Variants in CPNE5 observed in about 807,000 individuals in gnomAD.
The protein encoded by CPNE5 is copine-5.
Under a neutral mutation model 81.1 loss-of-function variants are expected in CPNE5, and 42 were observed. The ratio of observed to expected loss-of-function variants is 0.52; its 90% CI spans 0.40 to 0.67. The LOEUF (loss-of-function observed/expected upper bound fraction) is 0.67. Ranked by LOEUF, CPNE5 falls within the 30% of genes least tolerant of loss-of-function variation. The pLI is 0.00. For missense variants in CPNE5, 612 were observed against 815.5 expected, an observed-to-expected ratio of 0.75 and a Z score of 3.04; for synonymous variants, 313 against 321.5, an observed-to-expected ratio of 0.97 and a Z score of 0.28.
intron 1 of CPNE5, among the ~76,000 whole-genome samples, chr6:36,823,443 C>T (rs1252297199): frequency 6.6e-6 from 1 of 151,634 alleles, no homozygotes; most frequent in Non-Finnish European, 1.5e-5. Context: ...TAGAAGCTCT[C>T]CTTTAATCAC....
intron 8 of CPNE5, among the ~76,000 whole-genome samples, chr6:36,782,200 T>C (rs1414090429): frequency 6.6e-6 from 1 of 152,110 alleles, no homozygotes; most frequent in Non-Finnish European, 1.5e-5. Flanking sequence ...ATCATCATGA[T>C]CTCGCACGAA....
chr6:36,765,386 A>G lies in CPNE5; in HGVS notation c.738-10T>C. The G allele has an allele frequency of 6.2e-7, 1 of 1,614,010 alleles. No individual in the cohort carries two copies. The highest frequency in any genetic ancestry group is 1.7e-5 in the Admixed American group (1 of 60,014). ...CTCCACCTTGATGGTCCTGCAAAAC[A>G]AAGGCCTTTGCTGGGATGGGCCCAA... On this transcript the variant is annotated splice_polypyrimidine_tract_variant and intron_variant, in intron 10 of 20. Transcript: ENST00000244751.
intron 8 of CPNE5, among the ~76,000 whole-genome samples, chr6:36,789,056 A>T (rs1768860203): frequency 1.3e-5 from 2 of 152,238 alleles, no homozygotes; most frequent in Non-Finnish European, 2.9e-5. Context: ...GGAAAGACGA[A>T]GCAAAGCTGT....
chr6:36,829,104 C>T (rs1335707643), intron 1 of CPNE5, among the ~76,000 whole-genome samples: 1 of 152,196 alleles, frequency 6.6e-6, no homozygotes, highest in Non-Finnish European at 1.5e-5. Context: ...TTGGCTTTAG[C>T]AGGACCCAAG....
At chr6:36,810,192 C>G (rs1770974498) in intron 3 of CPNE5, among the ~76,000 whole-genome samples, 1 of 152,020 alleles carries the variant, frequency 6.6e-6, no homozygotes, top group African/African-American at 2.4e-5. Context: ...ATTTAGGCAG[C>G]TCTTGCCTTT....
intron 10 of CPNE5, among the ~76,000 whole-genome samples, chr6:36,767,940 A>G (rs554504472): frequency 1.3e-5 from 2 of 152,330 alleles, no homozygotes; most frequent in Non-Finnish European, 2.9e-5. Context: ...CGAGAGATTC[A>G]TGATCAGTTG....
intron 1 of CPNE5, chr6:36,827,652 T>C (rs1772619760): frequency 1.0e-6 from 1 of 985,294 alleles, no homozygotes; most frequent in Admixed American, 6.1e-5. Flanking sequence ...CCTTCCCCAC[T>C]GATCCTCACC....
At chr6:36,823,816 A>C (rs1294713417) in intron 1 of CPNE5, among the ~76,000 whole-genome samples, 2 of 152,216 alleles carry the variant, frequency 1.3e-5, no homozygotes, top group Admixed American at 6.5e-5. Context: ...CTGTTTTACA[A>C]ATATGAGCTC....
At chr6:36,810,777 G>A (rs989393550) in intron 3 of CPNE5, among the ~76,000 whole-genome samples, 3 of 152,182 alleles carry the variant, frequency 2.0e-5, no homozygotes, top group Non-Finnish European at 4.4e-5. Flanking sequence ...TACAGGGAGT[G>A]AGCCATGACC....
rs1481553410 is a variant in CPNE5 at position 36,825,352 on chromosome 6, C to A, written c.96-2254G>T. 2.0e-5 allele frequency among the ~76,000 whole-genome samples: 3 copies of A among 152,266 alleles called. No homozygotes were observed. In the East Asian group the frequency reaches 5.8e-4, roughly 29 times the overall value. ...GTCCCTGAGCAGATTCCTAGAGATGCCCCCAAGAGAGGAATTCCCAAATGG... is the reference window on the plus strand; with the variant it reads ...GTCCCTGAGCAGATTCCTAGAGATGACCCCAAGAGAGGAATTCCCAAATGG... On this transcript the variant is annotated intron_variant, in intron 1 of 20. Transcript: ENST00000244751.
chr6:36,787,396 G>A (rs937281169), intron 8 of CPNE5, among the ~76,000 whole-genome samples: 1 of 151,978 alleles, frequency 6.6e-6, no homozygotes, highest in South Asian at 2.1e-4. Context: ...CTGCCCCAGG[G>A]CCTTTGCACT....
chr6:36,823,998 A>C (rs938907135), intron 1 of CPNE5, among the ~76,000 whole-genome samples: 4 of 152,274 alleles, frequency 2.6e-5, no homozygotes, highest in African/African-American at 9.6e-5. Flanking sequence ...GCCCAGTGGA[A>C]ACGCAGTCTC....
chr6:36,771,133 TGAG>T (rs2150438592), intron 10 of CPNE5, among the ~76,000 whole-genome samples: 1 of 152,298 alleles, frequency 6.6e-6, no homozygotes, highest in South Asian at 2.1e-4. Context: ...GTTAATGCTT[TGAG>T]GACTAAAACC....
At chr6:36,828,047 C>T (rs1772657270) in intron 1 of CPNE5, among the ~76,000 whole-genome samples, 1 of 151,870 alleles carries the variant, frequency 6.6e-6, no homozygotes, top group Non-Finnish European at 1.5e-5. Context: ...AATGGTCATT[C>T]ATTGGGCTGT....
rs1028715761 is a variant in CPNE5 at position 36,740,999 on chromosome 6, G to C, written c.*1269C>G. On this transcript the variant is annotated 3_prime_UTR_variant, in exon 21 of 21. Coordinates refer to ENST00000244751, the MANE Select transcript of CPNE5 (RefSeq NM_020939.2). ...GATTGGCATGCATGATCTGCTCCCC[G>C]AGTGGGCAAAGGCTGGGCAGCTGGG... 1 of 152,348 alleles carries C rather than the reference G, an allele frequency of 6.6e-6. No homozygotes were observed. Among genetic ancestry groups the C allele is most frequent in the East Asian group, 1.9e-4 (1 of 5,188 alleles). The allele number at this position is 152,348 out of a possible 1,614,324, so 9.4% of individuals were successfully genotyped here.
chr6:36,820,924 G>A (rs1771988855), intron 3 of CPNE5, among the ~76,000 whole-genome samples: 1 of 151,876 alleles, frequency 6.6e-6, no homozygotes, highest in African/African-American at 2.4e-5. Flanking sequence ...TCCAGCCCAG[G>A]CAACAGAGGA....
Position 36,815,687 on chromosome 6 carries a change from G to T in CPNE5, c.183+6427C>A, listed in dbSNP as rs958205301. ...CAGTGCCCAACACATGCTCACAGAG[G>T]TTATGTGAAGACACATGTCAAGTTG... On this transcript the variant is annotated intron_variant, in intron 3 of 20. Coordinates refer to ENST00000244751, the MANE Select transcript of CPNE5 (RefSeq NM_020939.2). Among the ~76,000 whole-genome samples the T allele has an allele frequency of 3.3e-5, 5 of 152,370 alleles. 1 individual carries two copies. In the East Asian group the frequency reaches 5.8e-4, roughly 18 times the overall value.
intron 13 of CPNE5, chr6:36,754,878 A>G (rs1351787749): frequency 6.6e-6 from 1 of 152,212 alleles, no homozygotes; most frequent in Non-Finnish European, 1.5e-5. Flanking sequence ...ACTGGTAGCT[A>G]TGGGCAGCAG....
At position 36,743,736 on chromosome 6, in the gene CPNE5, C is replaced by T. The variant is rs903107854; in HGVS notation, c.1516G>A (p.Val506Met). The part of the protein sequence containing the change: ...DAMVELDGDD[V>M]RISSRGKLAE... Reference sequence around the variant, plus strand: ...AGCTTCCCCCGGGAGGAGATCCGCACGTCGTCGCCATCCAGCTCCACCATG... The same window carrying T: ...AGCTTCCCCCGGGAGGAGATCCGCATGTCGTCGCCATCCAGCTCCACCATG... The change falls in exon 20 of 21, where the codon GTG (valine) becomes ATG (methionine). Residue 506 changes from valine to methionine, a missense_variant. Physicochemically the swap from Val to Met is conservative, Grantham distance 21. Transcript: ENST00000244751. The T allele has an allele frequency of 9.3e-6, 15 of 1,612,724 alleles. No individual in the cohort carries two copies. The East Asian group carries it at 1.8e-4, about 19-fold the overall frequency.
Sources: gnomAD v4.1 joint callset for allele counts (sites outside exome capture counted in the v4.1 genomes callset) on GRCh38, gnomAD v4.1.1 for gene constraint, MANE v1.5 for transcripts, NCBI Gene and HGNC (gene_info 2026-07-23, HGNC 2026-07-21) for gene names.